Variants in EXOC1 observed in about 807,000 individuals in gnomAD.
EXOC1 encodes exocyst complex component 1.
In EXOC1, 67 loss-of-function variants were observed where a neutral mutation model predicts 107.7. That is an observed-to-expected ratio of 0.62 (90% CI 0.51 to 0.76). The LOEUF (loss-of-function observed/expected upper bound fraction) is 0.76, where lower values mean the gene tolerates loss of function less well. EXOC1 is among the 30% of genes least tolerant of loss of function. The pLI is 0.00. For missense variants in EXOC1, 833 were observed against 1,055.7 expected (o/e 0.79, Z 2.92); for synonymous variants, 348 against 353.5 (o/e 0.98, Z 0.17).
chr4:55,877,482 T>C (rs1723010811), intron 8 of EXOC1: 2 of 985,026 alleles, frequency 2.0e-6, no homozygotes, highest in Non-Finnish European at 2.4e-6. Context: ...ATCTGTTGTT[T>C]TAAATATTAC....
intron 2 of EXOC1, among the ~76,000 whole-genome samples, chr4:55,859,963 T>C (rs1034291500): frequency 1.3e-5 from 2 of 152,234 alleles, no homozygotes; most frequent in Non-Finnish European, 2.9e-5. Context: ...CTCATGCCTG[T>C]AATTCCAGCA....
chr4:55,888,728 C>A, intron 10 of EXOC1, 160 bp from the exon 11 acceptor site: 1 of 626,504 alleles, frequency 1.6e-6, no homozygotes. Flanking sequence ...AGTAGGTGAC[C>A]AACTAAACAT....
At position 55,887,315 on chromosome 4, in the gene EXOC1, C is replaced by T. The variant is rs563696486; in HGVS notation, c.1331-1573C>T. Among the ~76,000 whole-genome samples the T allele has an allele frequency of 7.2e-5, 11 of 152,046 alleles. No individual in the cohort carries two copies. The South Asian group carries it at 1.2e-3, about 17-fold the overall frequency. On this transcript the variant is annotated intron_variant, in intron 10 of 18. Transcript: ENST00000381295. ...GGAAACCTTGTTGATTCCAAAGAGT[C>T]GTGAATACAATGCTGAATTCAGGGA... is the stretch of plus-strand genomic sequence containing the variant.
In EXOC1 at chr4:55,860,101, A is replaced by T. The variant is rs144974590; in HGVS notation, c.125-310A>T. Among the ~76,000 whole-genome samples, 6 of 152,316 alleles carry T rather than the reference A, an allele frequency of 3.9e-5. No homozygotes were observed. In the East Asian group the frequency reaches 1.2e-3, roughly 29 times the overall value. On this transcript the variant is annotated intron_variant, in intron 2 of 18. Transcript: ENST00000381295. ...TTTGAAATGGTATTTTGCTCTTTCAAGCCTCACAGACTTTACTTATGTCAA... is the reference window on the plus strand; with the variant it reads ...TTTGAAATGGTATTTTGCTCTTTCATGCCTCACAGACTTTACTTATGTCAA...
At chr4:55,893,807 C>T (rs1178002186) in intron 15 of EXOC1, 27 bp downstream of exon 15, 3 of 1,566,402 alleles carry the variant, frequency 1.9e-6, no homozygotes, top group Non-Finnish European at 2.6e-6. Flanking sequence ...AAAAAAATAC[C>T]TTAGCATCCT....
intron 8 of EXOC1, chr4:55,875,909 A>G (rs1393129491): frequency 3.3e-6 from 3 of 912,040 alleles, no homozygotes; most frequent in Non-Finnish European, 3.9e-6. Context: ...TATTAATAAA[A>G]ATAAATTTTT....
intron 1 of EXOC1, among the ~76,000 whole-genome samples, chr4:55,857,458 G>A (rs990257472): frequency 5.3e-5 from 8 of 151,818 alleles, no homozygotes; most frequent in East Asian, 3.9e-4. Context: ...GTGAGCCACC[G>A]CCCGTGCCCG....
intron 8 of EXOC1, among the ~76,000 whole-genome samples, chr4:55,874,754 G>A (rs1371659236): frequency 1.3e-5 from 2 of 151,964 alleles, no homozygotes; most frequent in Non-Finnish European, 2.9e-5. Context: ...TGAAATTATA[G>A]GCTCTTGCCC....
chr4:55,897,021 T>G, intron 16 of EXOC1, 121 bp downstream of exon 16: 1 of 763,616 alleles, frequency 1.3e-6, no homozygotes, highest in Non-Finnish European at 1.9e-6. Context: ...TTAGGTTTTC[T>G]AACATTAAAG....
At chr4:55,879,100 G>A (rs1166249273) in intron 9 of EXOC1, among the ~76,000 whole-genome samples, 5 of 152,162 alleles carry the variant, frequency 3.3e-5, no homozygotes, top group African/African-American at 1.2e-4. Flanking sequence ...TTGGGGAAGA[G>A]CAAAGTCATT....
Position 55,871,908 on chromosome 4 carries a change from C to T in EXOC1, c.1024C>T (p.Leu342Phe), listed in dbSNP as rs1275382099. Residue 342 changes from leucine (L) to phenylalanine (F), a missense_variant, in exon 8 of 19, where the codon CTT (leucine) becomes TTT (phenylalanine). Coordinates refer to ENST00000381295, the MANE Select transcript of EXOC1 (RefSeq NM_001024924.2). The part of the protein sequence containing the change: ...QQQRFSDLRE[L>F]FARRLASHLN... ...GCAGCGATTCAGTGATTTGCGAGAG[C>T]TTTTTGCCCGGAGACTGGCCAGTCA... 1.2e-6 allele frequency: 2 copies of T among 1,613,752 alleles called. No homozygotes were observed. Among genetic ancestry groups the T allele is most frequent in the African/African-American group, 1.3e-5 (1 of 74,982 alleles).
intron 1 of EXOC1, among the ~76,000 whole-genome samples, chr4:55,855,332 A>G (rs1012554045): frequency 6.6e-6 from 1 of 152,230 alleles, no homozygotes; most frequent in Non-Finnish European, 1.5e-5. Context: ...AAATCGCAGA[A>G]TGTGGTAGCA....
chr4:55,862,143 T>G (rs934947363), intron 3 of EXOC1, among the ~76,000 whole-genome samples: 1 of 152,216 alleles, frequency 6.6e-6, no homozygotes, highest in Non-Finnish European at 1.5e-5. Context: ...TTGTTTTCTG[T>G]TAAGACAAAA....
chr4:55,858,265 T>G, intron 1 of EXOC1, 49 bp from the exon 2 acceptor site: 1 of 1,504,000 alleles, frequency 6.6e-7, no homozygotes, highest in Non-Finnish European at 8.9e-7. Context: ...AAGTATAAGA[T>G]GGAATGATGT....
At chr4:55,858,247 A>G in intron 1 of EXOC1, 67 bp from the exon 2 acceptor site, 1 of 1,405,680 alleles carries the variant, frequency 7.1e-7, no homozygotes, top group South Asian at 1.8e-5. Context: ...TTCAAATCAT[A>G]AATTCAGAAG....
In EXOC1 at chr4:55,884,804, C is replaced by T. The variant is rs755350639; in HGVS notation, c.1330+876C>T. ...CTAAGCAACTTCAGTAATCAAGAAA[C>T]ATGATTCAAAACTGATAGTACATGT... On this transcript the variant is annotated intron_variant, in intron 10 of 18. Transcript: ENST00000381295. Among the ~76,000 whole-genome samples, 54 of 152,248 alleles carry T rather than the reference C, an allele frequency of 3.5e-4. No homozygotes were observed. In the Middle Eastern group the frequency reaches 0.01, roughly 29 times the overall value.
At chr4:55,877,412 A>G in intron 8 of EXOC1, 4 of 985,414 alleles carry the variant, frequency 4.1e-6, no homozygotes, top group Non-Finnish European at 4.8e-6. Context: ...GACAGAAGTA[A>G]GACTCAGATG....
At chr4:55,887,725 C>CA (rs754950176) in intron 10 of EXOC1, among the ~76,000 whole-genome samples, 1,477 of 96,958 alleles carry the variant, frequency 0.015, 5 homozygotes, top group African/African-American at 0.044. Context: ...GATCCTGCCT[C>CA]AAAAAAAAAA....
intron 8 of EXOC1, chr4:55,877,178 A>C (rs1010242576): frequency 1.0e-6 from 1 of 984,022 alleles, no homozygotes; most frequent in Non-Finnish European, 1.2e-6. Context: ...AGTATGATAC[A>C]CATTCATAAT....
Sources: gnomAD v4.1 joint callset for allele counts (sites outside exome capture counted in the v4.1 genomes callset) on GRCh38, gnomAD v4.1.1 for gene constraint, MANE v1.5 for transcripts, NCBI Gene and HGNC (gene_info 2026-07-23, HGNC 2026-07-21) for gene names.